Variants in CD226 observed in about 807,000 individuals in gnomAD.
CD226 encodes the protein CD226 molecule.
A neutral mutation model predicts 34.9 loss-of-function variants in CD226; 24 were observed. The observed-to-expected ratio is 0.69, with a 90% CI of 0.50 to 0.97. CD226 has a LOEUF of 0.97. Ranked by LOEUF, CD226 falls within the 50% of genes least tolerant of loss-of-function variation. The probability of loss-of-function intolerance (pLI) is 0.00; values close to 1 mark genes in which losing one functional copy is unlikely to be tolerated. For synonymous variants in CD226, 148 were observed against 147.4 expected (o/e 1.00, Z -0.03); for missense variants, 397 against 412.7 (o/e 0.96, Z 0.33).
In CD226 at chr18:69,853,560, A is replaced by G. The variant is rs1026482336; in HGVS notation, c.*10754T>C. 1 of 152,230 alleles carries G rather than the reference A, an allele frequency of 6.6e-6. No individual in the cohort carries two copies. Among genetic ancestry groups the G allele is most frequent in the African/African-American group, 2.4e-5 (1 of 41,456 alleles). The allele number at this position is 152,230 out of a possible 1,614,324, so 9.4% of individuals were successfully genotyped here. On this transcript the variant is annotated 3_prime_UTR_variant, in exon 6 of 6. Transcript: ENST00000582621. ...ACCTTAAAATGAATTAATATTGAAC[A>G]CATATGATGAGTGAAACACCACCAT...
chr18:69,912,172 T>C (rs935873372), intron 2 of CD226, among the ~76,000 whole-genome samples: 1 of 152,146 alleles, frequency 6.6e-6, no homozygotes, highest in African/African-American at 2.4e-5. Context: ...AAGACTTAAA[T>C]GTTAGACCTA....
At chr18:69,941,037 G>A (rs989838978) in intron 2 of CD226, among the ~76,000 whole-genome samples, 1 of 152,232 alleles carries the variant, frequency 6.6e-6, no homozygotes, top group East Asian at 1.9e-4. Context: ...GCTTCAGAGG[G>A]TGCAAGCCCC....
intron 3 of CD226, among the ~76,000 whole-genome samples, chr18:69,880,082 C>T (rs1405115353): frequency 6.6e-6 from 1 of 151,696 alleles, no homozygotes; most frequent in Non-Finnish European, 1.5e-5. Context: ...ATATGCTCTG[C>T]ACTAGTAGGT....
At chr18:69,946,416 A>G (rs1326736276) in intron 2 of CD226, among the ~76,000 whole-genome samples, 1 of 152,116 alleles carries the variant, frequency 6.6e-6, no homozygotes, top group African/African-American at 2.4e-5. Context: ...CCCTGAAAGG[A>G]TCCTGAACCC....
intron 2 of CD226, among the ~76,000 whole-genome samples, chr18:69,942,866 C>A (rs1293251751): frequency 6.6e-6 from 1 of 152,132 alleles, no homozygotes; most frequent in Non-Finnish European, 1.5e-5. Flanking sequence ...CCATCAGTAC[C>A]CCCAGGACAC....
At chr18:69,869,534 A>G (rs1379162629) in intron 4 of CD226, among the ~76,000 whole-genome samples, 1 of 152,206 alleles carries the variant, frequency 6.6e-6, no homozygotes, top group Non-Finnish European at 1.5e-5. Context: ...GGAGAGGATC[A>G]GGAAAAATAA....
At chr18:69,889,487 T>TAAA (rs11452379) in intron 3 of CD226, among the ~76,000 whole-genome samples, 3 of 147,382 alleles carry the variant, frequency 2.0e-5, no homozygotes, top group Non-Finnish European at 1.5e-5. Flanking sequence ...ATGGAATCCT[T>TAAA]AAAAAAAAAA....
At chr18:69,878,093 A>C (rs1159831585) in intron 3 of CD226, among the ~76,000 whole-genome samples, 4 of 152,214 alleles carry the variant, frequency 2.6e-5, no homozygotes, top group Non-Finnish European at 5.9e-5. Context: ...CATAACATTT[A>C]GTTTTTTAAG....
At chr18:69,899,069 C>T (rs968216189) in intron 2 of CD226, among the ~76,000 whole-genome samples, 1 of 152,144 alleles carries the variant, frequency 6.6e-6, no homozygotes, top group African/African-American at 2.4e-5. Context: ...ATTTTTATTG[C>T]AGGATATCAT....
chr18:69,853,324 A>G lies in CD226; in HGVS notation c.*10990T>C, dbSNP rs913271949. The G allele has an allele frequency of 2.0e-5, 3 of 152,350 alleles. No individual in the cohort carries two copies. Among genetic ancestry groups the G allele is most frequent in the African/African-American group, 7.2e-5 (3 of 41,584 alleles). The allele number at this position is 152,350 out of a possible 1,614,324, so 9.4% of individuals were successfully genotyped here. ...TTAAAATGACTCTCACACATTCTTA[A>G]AAAACATTCCACAAACAAACGTTGC... is the stretch of plus-strand genomic sequence containing the variant. On this transcript the variant is annotated 3_prime_UTR_variant, in exon 6 of 6. Transcript: ENST00000582621.
upstream of CD226, among the ~76,000 whole-genome samples, chr18:69,950,162 TCTCAAA>T (rs1028304189): frequency 2.1e-4 from 10 of 48,122 alleles, no homozygotes; most frequent in Non-Finnish European, 1.1e-3. Flanking sequence ...CTGCACGTAC[TCTCAAA>T]CACACTCGTA....
intron 3 of CD226, among the ~76,000 whole-genome samples, chr18:69,884,382 C>T (rs1159612192): frequency 6.6e-6 from 1 of 151,360 alleles, no homozygotes; most frequent in Non-Finnish European, 1.5e-5. Flanking sequence ...TCCAGGGGAG[C>T]TCCAGCTGCT....
intron 3 of CD226, among the ~76,000 whole-genome samples, chr18:69,879,595 T>C (rs62090796): frequency 0.24 from 36,361 of 152,132 alleles, 5,153 homozygotes; most frequent in Middle Eastern, 0.41. Context: ...AGATTTCATA[T>C]TGTTCAAACA....
At position 69,862,019 on chromosome 18, in the gene CD226, T is replaced by C. The variant is rs565877412; in HGVS notation, c.*2295A>G. 3 of 152,240 alleles carry C rather than the reference T, an allele frequency of 2.0e-5. No homozygotes were observed. The highest frequency in any genetic ancestry group is 1.3e-4 in the Admixed American group (2 of 15,276). 9.4% of individuals were successfully genotyped at this position (152,240 alleles called of 1,614,324 possible). A position where few individuals can be genotyped will look rare whatever the true frequency, so the allele number is the denominator to read the frequency against. On this transcript the variant is annotated 3_prime_UTR_variant, in exon 6 of 6. Transcript: ENST00000582621. ...AGAGTAAATAGTTCTCATCAATATT[T>C]TGAATGAGAGACCAAAAACACAAAC... is the stretch of plus-strand genomic sequence containing the variant.
chr18:69,872,053 A>T (rs1252857788), intron 4 of CD226, among the ~76,000 whole-genome samples: 11 of 66,252 alleles, frequency 1.7e-4, no homozygotes, highest in African/African-American at 7.2e-4. Flanking sequence ...TCCTATTAAC[A>T]AGGGGTGTGT....
chr18:69,872,057 G>GGTGT (rs201644137), intron 4 of CD226, among the ~76,000 whole-genome samples: 15,174 of 143,320 alleles, frequency 0.11, 823 homozygotes, highest in East Asian at 0.2. Flanking sequence ...ATTAACAAGG[G>GGTGT]GTGTGTGTGT....
At position 69,946,195 on chromosome 18, in the gene CD226, A is replaced by G. The variant is rs1410761149; in HGVS notation, c.382+539T>C. 2.4e-4 allele frequency among the ~76,000 whole-genome samples: 36 copies of G among 150,096 alleles called. 1 individual carries two copies. The highest frequency in any genetic ancestry group is 8.5e-4 in the African/African-American group (35 of 41,040). ...AAGACTCCATCAAAAAAAAAAAAAAAAAAAAAAAAAAAAGAAGGAAGAAGA... is the reference window on the plus strand; with the variant it reads ...AAGACTCCATCAAAAAAAAAAAAAAGAAAAAAAAAAAAAGAAGGAAGAAGA... On this transcript the variant is annotated intron_variant, in intron 2 of 5. Coordinates refer to ENST00000582621, the MANE Select transcript of CD226 (RefSeq NM_001303618.2).
intron 2 of CD226, among the ~76,000 whole-genome samples, chr18:69,944,240 T>C (rs2055762037): frequency 6.6e-6 from 1 of 152,088 alleles, no homozygotes. Context: ...ATACAAATAA[T>C]CAAAACAAGA....
intron 3 of CD226, among the ~76,000 whole-genome samples, chr18:69,890,639 G>A (rs1984839953): frequency 6.6e-6 from 1 of 152,150 alleles, no homozygotes; most frequent in Non-Finnish European, 1.5e-5. Context: ...AGGAAAGAAA[G>A]CAAATGTGAT....
Sources: allele counts gnomAD v4.1 joint callset (sites outside exome capture counted in the v4.1 genomes callset), GRCh38; gene constraint gnomAD v4.1.1; transcripts MANE v1.5; gene names NCBI Gene and HGNC (gene_info 2026-07-23, HGNC 2026-07-21).